Variants in PCDH9 observed in about 807,000 individuals in gnomAD.
PCDH9 encodes the protein protocadherin-9.
A neutral mutation model predicts 70.6 loss-of-function variants in PCDH9; 24 were observed. The observed-to-expected ratio is 0.34, with a 90% confidence interval of 0.25 to 0.48. PCDH9 has a LOEUF of 0.48. PCDH9 is among the 20% of genes least tolerant of loss of function. The pLI, the probability that PCDH9 is intolerant of heterozygous loss-of-function variation, is 0.99. For synonymous variants in PCDH9, 562 were observed against 558.5 expected, an observed-to-expected ratio of 1.01 and a Z score of -0.09; for missense variants, 1,281 against 1,503.6, an observed-to-expected ratio of 0.85 and a Z score of 2.45.
chr13:66,694,576 T>C (rs966251479), intron 3 of PCDH9, among the ~76,000 whole-genome samples: 3 of 152,116 alleles, frequency 2.0e-5, no homozygotes, highest in Non-Finnish European at 4.4e-5. Context: ...TACATGTTAA[T>C]CTCTGATTTT....
intron 2 of PCDH9, among the ~76,000 whole-genome samples, chr13:66,998,102 T>C (rs942990478): frequency 1.3e-5 from 2 of 152,186 alleles, no homozygotes; most frequent in African/African-American, 4.8e-5. Context: ...AAGAATTATC[T>C]AAATTGGACA....
At chr13:67,161,286 C>T (rs1367612730) in intron 2 of PCDH9, among the ~76,000 whole-genome samples, 1 of 152,130 alleles carries the variant, frequency 6.6e-6, no homozygotes, top group African/African-American at 2.4e-5. Context: ...AATGAAATAC[C>T]TCCGTGAGGA....
chr13:66,586,477 G>A (rs897783678), intron 4 of PCDH9, among the ~76,000 whole-genome samples: 2 of 151,908 alleles, frequency 1.3e-5, no homozygotes, highest in Non-Finnish European at 1.5e-5. Context: ...ATGAGATCTG[G>A]GCTCAGCTGT....
At chr13:66,615,892 G>C (rs757836985) in intron 4 of PCDH9, among the ~76,000 whole-genome samples, 3 of 152,094 alleles carry the variant, frequency 2.0e-5, no homozygotes, top group Non-Finnish European at 4.4e-5. Context: ...ACTATCTGTG[G>C]GTATTCTTAT....
chr13:66,985,061 G>A (rs556806509), intron 2 of PCDH9, among the ~76,000 whole-genome samples: 6 of 152,088 alleles, frequency 3.9e-5, no homozygotes, highest in African/African-American at 1.4e-4. Context: ...GGATCATTTG[G>A]AACACAATTC....
At chr13:66,393,758 A>G (rs1430731552) in intron 4 of PCDH9, among the ~76,000 whole-genome samples, 1 of 152,210 alleles carries the variant, frequency 6.6e-6, no homozygotes, top group East Asian at 1.9e-4. Flanking sequence ...TTGTTTCCAG[A>G]GGTGATGCTT....
chr13:66,868,226 A>G (rs572469196), intron 3 of PCDH9, among the ~76,000 whole-genome samples: 2 of 152,006 alleles, frequency 1.3e-5, no homozygotes, highest in Non-Finnish European at 2.9e-5. Context: ...ATACTAGTCT[A>G]TGAAGATAAC....
At chr13:66,988,129 G>A (rs184817743) in intron 2 of PCDH9, among the ~76,000 whole-genome samples, 93 of 151,940 alleles carry the variant, frequency 6.1e-4, no homozygotes, top group Middle Eastern at 3.4e-3. Context: ...CCAAACTCCT[G>A]GGCTCAAGAG....
At chr13:66,962,690 C>T (rs2083368332) in intron 2 of PCDH9, among the ~76,000 whole-genome samples, 1 of 151,926 alleles carries the variant, frequency 6.6e-6, no homozygotes, top group Non-Finnish European at 1.5e-5. Flanking sequence ...ATATGCAGTC[C>T]ATCATTGACT....
At chr13:66,483,312 A>G (rs1199106575) in intron 4 of PCDH9, among the ~76,000 whole-genome samples, 2 of 152,216 alleles carry the variant, frequency 1.3e-5, no homozygotes, top group African/African-American at 4.8e-5. Context: ...ATGGATTTGT[A>G]TATTATGGCT....
At chr13:67,174,314 G>GATACATACATAC (rs75349589) in intron 2 of PCDH9, among the ~76,000 whole-genome samples, 161 of 149,574 alleles carry the variant, frequency 1.1e-3, no homozygotes, top group East Asian at 3.3e-3. Flanking sequence ...TAGATAGATA[G>GATACATACATAC]ATACATACAT....
At chr13:66,558,077 C>T (rs2138696644) in intron 4 of PCDH9, among the ~76,000 whole-genome samples, 1 of 152,152 alleles carries the variant, frequency 6.6e-6, no homozygotes, top group South Asian at 2.1e-4. Flanking sequence ...ATTGCTTGTG[C>T]CCAGGAGTTT....
chr13:66,357,011 G>A (rs915191242), intron 4 of PCDH9, among the ~76,000 whole-genome samples: 1 of 151,824 alleles, frequency 6.6e-6, no homozygotes, highest in Non-Finnish European at 1.5e-5. Flanking sequence ...ACCAGTGTGT[G>A]GGGGAAAAAA....
At chr13:66,641,962 G>T (rs1431279705) in intron 3 of PCDH9, among the ~76,000 whole-genome samples, 1 of 152,068 alleles carries the variant, frequency 6.6e-6, no homozygotes, top group Non-Finnish European at 1.5e-5. Context: ...ATTGTTTGCA[G>T]TTGAAATATT....
At chr13:66,310,675 A>G (rs1031412623) in intron 4 of PCDH9, among the ~76,000 whole-genome samples, 2 of 151,992 alleles carry the variant, frequency 1.3e-5, no homozygotes, top group South Asian at 2.1e-4. Flanking sequence ...CATCTTTTCT[A>G]TGAATAAATT....
intron 2 of PCDH9, among the ~76,000 whole-genome samples, chr13:67,060,855 G>A (rs927476769): frequency 1.3e-5 from 2 of 152,052 alleles, no homozygotes; most frequent in African/African-American, 4.8e-5. Flanking sequence ...CTTCTATGCT[G>A]TATTCTCTTT....
At chr13:66,308,282 A>G (rs1418268368) in intron 4 of PCDH9, among the ~76,000 whole-genome samples, 1 of 152,086 alleles carries the variant, frequency 6.6e-6, no homozygotes, top group African/African-American at 2.4e-5. Context: ...GTACTGTACA[A>G]AATCTTTAAC....
intron 3 of PCDH9, among the ~76,000 whole-genome samples, chr13:66,790,811 C>T (rs1415911145): frequency 6.6e-6 from 1 of 151,994 alleles, no homozygotes; most frequent in Admixed American, 6.6e-5. Context: ...ATCTATGAAA[C>T]TTTATACAGG....
At chr13:66,725,468 T>C (rs2078994438) in intron 3 of PCDH9, among the ~76,000 whole-genome samples, 1 of 152,178 alleles carries the variant, frequency 6.6e-6, no homozygotes, top group Non-Finnish European at 1.5e-5. Flanking sequence ...TTAATTTTTT[T>C]CCCAAGATCC....
Sources: allele counts gnomAD v4.1 joint callset (sites outside exome capture counted in the v4.1 genomes callset), GRCh38; gene constraint gnomAD v4.1.1; transcripts MANE v1.5; gene names NCBI Gene and HGNC (gene_info 2026-07-23, HGNC 2026-07-21).